The following ARPP21 variants were observed in gnomAD, a reference collection of about 807,000 sequenced individuals.
ARPP21 encodes cAMP regulated phosphoprotein 21.
ARPP21 carries 69 observed loss-of-function variants against 113.2 expected under a neutral mutation model. The ratio of observed to expected loss-of-function variants is 0.61; its 90% CI spans 0.50 to 0.74. The LOEUF is 0.74. ARPP21 is among the 30% of genes least tolerant of loss of function. The pLI is 0.00. For missense variants in ARPP21, 1,070 were observed against 1,037.4 expected (o/e 1.03, Z -0.43); for synonymous variants, 368 against 375.5 (o/e 0.98, Z 0.23).
intron 19 of ARPP21, among the ~76,000 whole-genome samples, chr3:35,773,490 T>C (rs1234281691): frequency 6.6e-6 from 1 of 152,172 alleles, no homozygotes; most frequent in Non-Finnish European, 1.5e-5. Context: ...TTGTATTTAC[T>C]TCCTCCCTCA....
At chr3:35,672,281 A>G (rs537809481) in intron 1 of ARPP21, among the ~76,000 whole-genome samples, 1 of 152,168 alleles carries the variant, frequency 6.6e-6, no homozygotes, top group East Asian at 1.9e-4. Flanking sequence ...GTAGGAGATC[A>G]ATAAATATGC....
intron 19 of ARPP21, chr3:35,744,708 G>T (rs1394340652): frequency 1.0e-5 from 3 of 292,134 alleles, no homozygotes; most frequent in African/African-American, 6.8e-5. Flanking sequence ...CTGACGGGGA[G>T]ACTCTGCCTT....
In ARPP21 at chr3:35,729,325, A is replaced by G. The variant is rs141819985; in HGVS notation, c.1248A>G (p.Ala416=). The change falls in exon 15 of 21, where the codon GCA becomes GCG. Residue 416 remains alanine, a synonymous_variant. Transcript: ENST00000684406. The part of the protein sequence containing the change: ...SKAGSESSSS[A]GSSGSLSRTH... ...CAGGTTCCGAGTCTTCCAGCAGTGCAGGCTCCTCAGGATCGCTGTCCCGCA... is the reference window on the plus strand; with the variant it reads ...CAGGTTCCGAGTCTTCCAGCAGTGCGGGCTCCTCAGGATCGCTGTCCCGCA... 6.2e-7 allele frequency: 1 copy of G among 1,613,992 alleles called. No individual in the cohort carries two copies. Among genetic ancestry groups the G allele is most frequent in the African/African-American group, 1.3e-5 (1 of 74,928 alleles).
intron 19 of ARPP21, among the ~76,000 whole-genome samples, chr3:35,786,228 TA>T (rs1482215710): frequency 1.3e-5 from 2 of 152,148 alleles, no homozygotes; most frequent in African/African-American, 4.8e-5. Context: ...TTTCTTGTTT[TA>T]AAGGTTTTAC....
chr3:35,748,106 G>A (rs2095225220), intron 19 of ARPP21, among the ~76,000 whole-genome samples: 1 of 127,954 alleles, frequency 7.8e-6, no homozygotes, highest in African/African-American at 3.2e-5. Flanking sequence ...AAGAAAGAAA[G>A]AAAGAAGAAA....
At chr3:35,759,672 CTCTCTGTGTGTG>C (rs946911802) in intron 19 of ARPP21, among the ~76,000 whole-genome samples, 1 of 119,642 alleles carries the variant, frequency 8.4e-6, no homozygotes, top group African/African-American at 3.0e-5. Context: ...TTCATTTTCT[CTCTCTGTGTGTG>C]TGTGTGTGTG....
chr3:35,657,792 C>A (rs545091511), intron 1 of ARPP21, among the ~76,000 whole-genome samples: 9 of 152,010 alleles, frequency 5.9e-5, no homozygotes, highest in Non-Finnish European at 1.3e-4. Flanking sequence ...AATCTCCAAG[C>A]CCGAATCCTA....
At chr3:35,650,699 T>C (rs1444387270) in intron 1 of ARPP21, among the ~76,000 whole-genome samples, 1 of 151,972 alleles carries the variant, frequency 6.6e-6, no homozygotes, top group Non-Finnish European at 1.5e-5. Flanking sequence ...AACCAACATT[T>C]AGGTTGCTCT....
chr3:35,752,590 T>C (rs1303599000), intron 19 of ARPP21, among the ~76,000 whole-genome samples: 1 of 152,058 alleles, frequency 6.6e-6, no homozygotes, highest in Non-Finnish European at 1.5e-5. Context: ...AGAAGGTTAC[T>C]ATAACCAGGG....
At chr3:35,693,864 A>G (rs961738872) in intron 9 of ARPP21, among the ~76,000 whole-genome samples, 3 of 151,598 alleles carry the variant, frequency 2.0e-5, no homozygotes, top group African/African-American at 4.8e-5. Flanking sequence ...TACCTTTTCA[A>G]TATCTAGAGT....
chr3:35,729,739 T>A (rs2093811010), intron 15 of ARPP21, among the ~76,000 whole-genome samples: 1 of 152,242 alleles, frequency 6.6e-6, no homozygotes, highest in African/African-American at 2.4e-5. Context: ...CATATCAATA[T>A]CTATATTGAT....
intron 7 of ARPP21, 147 bp from the exon 8 acceptor site, chr3:35,689,934 A>G (rs1221944617): frequency 1.8e-6 from 1 of 549,748 alleles, no homozygotes; most frequent in African/African-American, 1.9e-5. Flanking sequence ...ATAATATGTA[A>G]ATGGTCAGCA....
intron 11 of ARPP21, among the ~76,000 whole-genome samples, chr3:35,714,109 T>TA (rs1374570953): frequency 6.6e-6 from 1 of 152,210 alleles, no homozygotes; most frequent in African/African-American, 2.4e-5. Context: ...TCAAGTTTTT[T>TA]AAAAAAGCTA....
At chr3:35,698,975 C>A (rs1188908354) in intron 9 of ARPP21, among the ~76,000 whole-genome samples, 3 of 151,494 alleles carry the variant, frequency 2.0e-5, no homozygotes, top group African/African-American at 7.3e-5. Context: ...AGATGAAAAT[C>A]ATTTCTCAAG....
chr3:35,742,447 T>C (rs889352349), intron 18 of ARPP21, among the ~76,000 whole-genome samples: 98 of 152,304 alleles, frequency 6.4e-4, no homozygotes, highest in African/African-American at 2.2e-3. Flanking sequence ...AGAGAAGTAG[T>C]AAGAGCGAAT....
intron 19 of ARPP21, among the ~76,000 whole-genome samples, chr3:35,746,652 A>T (rs1190667773): frequency 6.6e-6 from 1 of 152,208 alleles, no homozygotes; most frequent in Non-Finnish European, 1.5e-5. Flanking sequence ...TTATGTCATA[A>T]CATCCTCAGC....
intron 1 of ARPP21, among the ~76,000 whole-genome samples, chr3:35,647,192 T>G (rs1327591909): frequency 6.6e-6 from 1 of 152,186 alleles, no homozygotes; most frequent in Admixed American, 6.6e-5. Context: ...TAGTGTTTTG[T>G]CATCATCGAG....
chr3:35,686,760 G>A (rs760701424), intron 5 of ARPP21, among the ~76,000 whole-genome samples: 2 of 151,602 alleles, frequency 1.3e-5, no homozygotes, highest in East Asian at 1.9e-4. Context: ...TGGGCTTAAC[G>A]TTGGTTAATT....
chr3:35,669,920 C>T (rs1294612035), intron 1 of ARPP21, among the ~76,000 whole-genome samples: 3 of 152,112 alleles, frequency 2.0e-5, no homozygotes, highest in East Asian at 1.9e-4. Flanking sequence ...ACAGTTTAAC[C>T]GTTTTTCTTC....
Sources: gnomAD v4.1 joint callset for allele counts (sites outside exome capture counted in the v4.1 genomes callset) on GRCh38, gnomAD v4.1.1 for gene constraint, MANE v1.5 for transcripts, NCBI Gene and HGNC (gene_info 2026-07-23, HGNC 2026-07-21) for gene names.